The following OLR1 variants were observed in gnomAD, a reference collection of about 807,000 sequenced individuals.
OLR1 encodes oxidized low density lipoprotein receptor 1.
In OLR1, 23 loss-of-function variants were observed where a neutral mutation model predicts 31.7. The ratio of observed to expected loss-of-function variants is 0.72; its 90% CI spans 0.52 to 1.03. The LOEUF (loss-of-function observed/expected upper bound fraction) is 1.03, where lower values mean the gene tolerates loss of function less well. OLR1 is among the 50% of genes least tolerant of loss of function. OLR1 has a pLI of 0.00. For synonymous variants in OLR1, 117 were observed against 115.8 expected, an observed-to-expected ratio of 1.01 and a Z score of -0.07; for missense variants, 286 against 315.7, an observed-to-expected ratio of 0.91 and a Z score of 0.71.
chr12:10,162,955 TTGTGTGTG>T (rs10637880), intron 3 of OLR1, among the ~76,000 whole-genome samples: 2 of 151,292 alleles, frequency 1.3e-5, no homozygotes, highest in Non-Finnish European at 3.0e-5. Flanking sequence ...CTGTATTTCT[TTGTGTGTG>T]TGTGTGTGTG....
intron 3 of OLR1, among the ~76,000 whole-genome samples, chr12:10,162,403 C>G (rs1478578973): frequency 6.6e-6 from 1 of 152,062 alleles, no homozygotes; most frequent in Admixed American, 6.6e-5. Flanking sequence ...AAAGAGCATA[C>G]AAAACACTAA....
chr12:10,162,737 A>T (rs1214555292), intron 3 of OLR1, among the ~76,000 whole-genome samples: 1 of 152,190 alleles, frequency 6.6e-6, no homozygotes, highest in Admixed American at 6.5e-5. Flanking sequence ...CTGAGGTGGA[A>T]GGATCACTTG....
intron 2 of OLR1, among the ~76,000 whole-genome samples, chr12:10,167,992 G>A (rs1369749544): frequency 1.3e-5 from 2 of 152,056 alleles, no homozygotes; most frequent in Non-Finnish European, 2.9e-5. Context: ...CTAAGTCAAG[G>A]GCACTTCTCC....
intron 3 of OLR1, among the ~76,000 whole-genome samples, chr12:10,162,640 C>T (rs1948629751): frequency 6.6e-6 from 1 of 152,112 alleles, no homozygotes; most frequent in Non-Finnish European, 1.5e-5. Context: ...CCAGCCTGTG[C>T]AACATGGCGA....
chr12:10,165,651 C>G (rs1948655134), intron 3 of OLR1, among the ~76,000 whole-genome samples: 1 of 151,502 alleles, frequency 6.6e-6, no homozygotes, highest in Admixed American at 6.6e-5. Flanking sequence ...AAAACTGCTA[C>G]TAGGGAGGCT....
chr12:10,169,281 T>C lies in OLR1; in HGVS notation c.77-106A>G, dbSNP rs1015042591. On this transcript the variant is annotated intron_variant, in intron 1 of 5. Coordinates refer to ENST00000309539, the MANE Select transcript of OLR1 (RefSeq NM_002543.4). ...TTGGTGATTTACTCTGTTTATGTTT[T>C]AGTAAATAGACATAAATAGTTTGCA... is the stretch of plus-strand genomic sequence containing the variant. The C allele has an allele frequency of 5.8e-6, 4 of 684,504 alleles. No homozygotes were observed. In the African/African-American group the frequency reaches 7.2e-5, roughly 12 times the overall value. The allele number at this position is 684,504 out of a possible 1,614,324, so 42.4% of individuals were successfully genotyped here.
upstream of OLR1, chr12:10,172,267 T>C (rs887186145): frequency 1.9e-6 from 1 of 535,776 alleles, no homozygotes; most frequent in Admixed American, 3.2e-5. Context: ...TCTTGAGTTA[T>C]GTGTATTGCA....
Position 10,172,070 on chromosome 12 carries a change from A to G in OLR1, c.8T>C (p.Phe3Ser). The change falls in exon 1 of 6, where the codon TTT becomes TCT. Residue 3 changes from phenylalanine (F) to serine (S), a missense_variant. Transcript: ENST00000309539. MT[F>S]DDLKIQTVKD... ...CACAGTCTGGATCTTTAGGTCATCA[A>G]AAGTCATTTCCAAATTCAAGCTAAG... 1 of 1,613,426 alleles carries G rather than the reference A, an allele frequency of 6.2e-7. No individual in the cohort carries two copies. Among genetic ancestry groups the G allele is most frequent in the Non-Finnish European group, 8.5e-7 (1 of 1,179,510 alleles).
At chr12:10,163,242 C>A (rs1948634553) in intron 3 of OLR1, among the ~76,000 whole-genome samples, 1 of 151,934 alleles carries the variant, frequency 6.6e-6, no homozygotes, top group South Asian at 2.1e-4. Context: ...CTGGGTGTTT[C>A]ACCACTATAA....
At chr12:10,160,720 G>A (rs1304986661) in intron 4 of OLR1, 66 bp downstream of exon 4, 1 of 1,579,966 alleles carries the variant, frequency 6.3e-7, no homozygotes, top group Non-Finnish European at 8.7e-7. Context: ...TCCAGTGACA[G>A]TTTAAACCAG....
intron 3 of OLR1, among the ~76,000 whole-genome samples, chr12:10,161,924 G>GATATAT (rs34054558): frequency 0.061 from 4,144 of 67,864 alleles, 86 homozygotes; most frequent in Middle Eastern, 0.26. Flanking sequence ...AAATTTTAAT[G>GATATAT]ATATATATAT....
At chr12:10,173,751 C>T (rs1241909093), upstream of OLR1, among the ~76,000 whole-genome samples, 3 of 138,334 alleles carry the variant, frequency 2.2e-5, no homozygotes, top group South Asian at 2.3e-4. Context: ...GGCAACAGAG[C>T]GAGACTCCCT....
intron 3 of OLR1, among the ~76,000 whole-genome samples, chr12:10,162,975 G>GTA (rs398055307): frequency 6.7e-6 from 1 of 148,570 alleles, no homozygotes; most frequent in East Asian, 2.0e-4. Flanking sequence ...GTGTGTGTGT[G>GTA]TACACAAAAA....
chr12:10,171,410 T>C (rs1011243258), intron 1 of OLR1, among the ~76,000 whole-genome samples: 6 of 152,224 alleles, frequency 3.9e-5, no homozygotes, highest in Non-Finnish European at 8.8e-5. Flanking sequence ...AAACAGAACT[T>C]ACAATTTTTC....
In OLR1 at chr12:10,159,936, A is replaced by C; in HGVS notation, c.766T>G (p.Cys256Gly). The C allele has an allele frequency of 2.5e-6, 4 of 1,614,098 alleles. No homozygotes were observed. The highest frequency in any genetic ancestry group is 3.4e-6 in the Non-Finnish European group (4 of 1,179,976). Residue 256 changes from cysteine to glycine, a missense_variant, in exon 6 of 6, where the codon TGC becomes GGC. Physicochemically the swap from Cys to Gly is radical, Grantham distance 159. Transcript: ENST00000309539. Reference sequence around the variant, plus strand: ...CATATACTGAAGGCAGCTAAAATGCAGTTTTCCGCATAAACAGCTCCTCGT... The same window carrying C: ...CATATACTGAAGGCAGCTAAAATGCCGTTTTCCGCATAAACAGCTCCTCGT... Reference protein sequence around the residue: ...IQRGAVYAENCILAAFSICQK... With the variant: ...IQRGAVYAENGILAAFSICQK...
rs1237668504 is a variant in OLR1 at position 10,159,046 on chromosome 12, A to G, written c.*834T>C. 3 of 152,222 alleles carry G rather than the reference A, an allele frequency of 2.0e-5. No homozygotes were observed. Among genetic ancestry groups the G allele is most frequent in the African/African-American group, 7.2e-5 (3 of 41,456 alleles). The allele number at this position is 152,222 out of a possible 1,614,324, so 9.4% of individuals were successfully genotyped here. On this transcript the variant is annotated 3_prime_UTR_variant, in exon 6 of 6. Coordinates refer to ENST00000309539, the MANE Select transcript of OLR1 (RefSeq NM_002543.4). ...AGCATAGCAAAACAGAGTTGAGAAG[A>G]GTTCATCTACAAAAGGTATGTTCTT...
In OLR1 at chr12:10,158,651, G is replaced by A. The variant is rs929955921; in HGVS notation, c.*1229C>T. The A allele has an allele frequency of 6.6e-6, 1 of 152,174 alleles. No individual in the cohort carries two copies. Among genetic ancestry groups the A allele is most frequent in the African/African-American group, 2.4e-5 (1 of 41,426 alleles). The allele number at this position is 152,174 out of a possible 1,614,324, so 9.4% of individuals were successfully genotyped here. ...GATGGATATGTTCACTCTCTTAATT[G>A]TAGTATGCATGTTCTCCACAAGGTG... On this transcript the variant is annotated 3_prime_UTR_variant, in exon 6 of 6. Coordinates refer to ENST00000309539, the MANE Select transcript of OLR1 (RefSeq NM_002543.4).
intron 3 of OLR1, among the ~76,000 whole-genome samples, chr12:10,163,219 G>A (rs1299008999): frequency 1.3e-5 from 2 of 151,962 alleles, no homozygotes; most frequent in Non-Finnish European, 2.9e-5. Context: ...CCTAGATAAT[G>A]TAACTCTAGA....
chr12:10,160,437 T>C lies in OLR1; in HGVS notation c.590A>G (p.Tyr197Cys). The change falls in exon 5 of 6, where the codon TAT (tyrosine) becomes TGT (cysteine). Residue 197 changes from tyrosine (Y) to cysteine (C), a missense_variant. Tyr to Cys is a radical substitution (Grantham distance 194). Coordinates refer to ENST00000309539, the MANE Select transcript of OLR1 (RefSeq NM_002543.4). ...DLDFIQQAIS[Y>C]SSFPFWMGLS... ...CCCCATCCAGAATGGAAAACTGGAA[T>C]AGGAAATTGCTTGCTGGATGAAGTC... The C allele has an allele frequency of 6.2e-7, 1 of 1,613,510 alleles. No individual in the cohort carries two copies. Among genetic ancestry groups the C allele is most frequent in the Non-Finnish European group, 8.5e-7 (1 of 1,179,768 alleles).
Sources: allele counts gnomAD v4.1 joint callset (sites outside exome capture counted in the v4.1 genomes callset), GRCh38; gene constraint gnomAD v4.1.1; transcripts MANE v1.5; gene names NCBI Gene and HGNC (gene_info 2026-07-23, HGNC 2026-07-21).